Variants in AP1B1 observed in about 807,000 individuals in gnomAD.
The protein encoded by AP1B1 is adaptor related protein complex 1 subunit beta 1.
In AP1B1, 36 loss-of-function variants were observed where a neutral mutation model predicts 104.3. That is an observed-to-expected ratio of 0.35 (90% confidence interval 0.26 to 0.46). The LOEUF is 0.46. Among genes scored for constraint, AP1B1 ranks in the 20% least tolerant of loss-of-function variants. The pLI is 1.00. For missense variants in AP1B1, 901 were observed against 1,247.9 expected, an observed-to-expected ratio of 0.72 and a Z score of 4.19; for synonymous variants, 504 against 517.5, an observed-to-expected ratio of 0.97 and a Z score of 0.35.
At chr22:29,333,468 T>TATA (rs777104253) in intron 17 of AP1B1, among the ~76,000 whole-genome samples, 1 of 152,124 alleles carries the variant, frequency 6.6e-6, no homozygotes, top group African/African-American at 2.4e-5. Flanking sequence ...GATGGGCCCC[T>TATA]CCTATGTGGG....
chr22:29,332,206 G>C (rs2061572219), intron 17 of AP1B1: 1 of 317,776 alleles, frequency 3.1e-6, no homozygotes, highest in Non-Finnish European at 5.8e-6. Flanking sequence ...GCACTGGTGG[G>C]CCCAGGTAGG....
chr22:29,336,664 A>G (rs1473747859), intron 16 of AP1B1, among the ~76,000 whole-genome samples: 1 of 152,176 alleles, frequency 6.6e-6, no homozygotes, highest in Non-Finnish European at 1.5e-5. Context: ...TTAGCTAGGC[A>G]TGGTGGCAGG....
chr22:29,387,399 C>G (rs192529576), intron 1 of AP1B1, among the ~76,000 whole-genome samples: 1 of 152,002 alleles, frequency 6.6e-6, no homozygotes, highest in East Asian at 1.9e-4. Context: ...CCTCCACCTC[C>G]TGGGTTCAAG....
In AP1B1 at chr22:29,329,882, G is replaced by A. The variant is rs983195003; in HGVS notation, c.2767-162C>T. The A allele has an allele frequency of 4.8e-6, 7 of 1,462,898 alleles. No homozygotes were observed. In the African/African-American group the frequency reaches 8.5e-5, roughly 18 times the overall value. 90.6% of individuals were successfully genotyped at this position (1,462,898 alleles called of 1,614,324 possible). ...GAGGGCCATGCCTGCCAGAGACTCA[G>A]GGGTGTGGGGGAGAAGCAGAGTTTG... On this transcript the variant is annotated intron_variant, in intron 21 of 22. Coordinates refer to ENST00000357586, the MANE Select transcript of AP1B1 (RefSeq NM_001127.4).
At position 29,358,676 on chromosome 22, in the gene AP1B1, A is replaced by C. The variant is rs200198009; in HGVS notation, c.525+50T>G. 83 of 1,577,692 alleles carry C rather than the reference A, an allele frequency of 5.3e-5. No individual in the cohort carries two copies. The East Asian group carries it at 1.2e-3, about 23-fold the overall frequency. On this transcript the variant is annotated intron_variant, in intron 5 of 22. Transcript: ENST00000357586. ...TGAAGAGTCAAGCCAATGTCTTCCCAAGCAACCCAGGAGGTGGTGGAGGTA... is the reference window on the plus strand; with the variant it reads ...TGAAGAGTCAAGCCAATGTCTTCCCCAGCAACCCAGGAGGTGGTGGAGGTA...
At chr22:29,340,922 C>A in intron 13 of AP1B1, 65 bp from the exon 14 acceptor site, 1 of 1,493,138 alleles carries the variant, frequency 6.7e-7, no homozygotes, top group South Asian at 1.3e-5. Flanking sequence ...GAGACCCCAG[C>A]CTCCAGGCAG....
intron 16 of AP1B1, among the ~76,000 whole-genome samples, chr22:29,337,059 C>G (rs80224063): frequency 1.3e-5 from 2 of 152,194 alleles, no homozygotes; most frequent in African/African-American, 2.4e-5. Flanking sequence ...ACATGCTGTA[C>G]GTTATGCCGC....
intron 13 of AP1B1, 51 bp from the exon 14 acceptor site, chr22:29,340,908 CAA>C: frequency 6.5e-7 from 1 of 1,528,032 alleles, no homozygotes; most frequent in Non-Finnish European, 8.9e-7. Flanking sequence ...TCAGGAAGGT[CAA>C]AGAGACCCCA....
At chr22:29,368,189 T>G (rs144457179) in intron 1 of AP1B1, among the ~76,000 whole-genome samples, 20 of 152,150 alleles carry the variant, frequency 1.3e-4, no homozygotes, top group African/African-American at 4.8e-4. Context: ...TCTCAGTTAC[T>G]TGGGAGGGTG....
chr22:29,330,150 ATCT>A, intron 21 of AP1B1: 1 of 1,427,680 alleles, frequency 7.0e-7, no homozygotes. Flanking sequence ...ATTTTACACA[ATCT>A]TCTAGTCCAA....
chr22:29,360,001 A>C (rs1434466503), intron 3 of AP1B1, 42 bp from the exon 4 acceptor site: 3 of 1,589,608 alleles, frequency 1.9e-6, no homozygotes, highest in Non-Finnish European at 1.7e-6. Flanking sequence ...AGGCTGAACA[A>C]AGGAAGAGGA....
At chr22:29,339,701 G>A (rs375490419) in intron 15 of AP1B1, 53 bp downstream of exon 15, 16 of 1,597,734 alleles carry the variant, frequency 1.0e-5, no homozygotes, top group African/African-American at 4.0e-5. Flanking sequence ...CTGGGCCAGC[G>A]CTTTCGGGAG....
Position 29,344,676 on chromosome 22 carries a change from C to T in AP1B1, c.1438-2293G>A, listed in dbSNP as rs1602715722. 2.0e-5 allele frequency among the ~76,000 whole-genome samples: 3 copies of T among 152,016 alleles called. No individual in the cohort carries two copies. The South Asian group carries it at 6.2e-4, about 32-fold the overall frequency. ...AGCAGCTAGGATTACAGGCACACAC[C>T]ATCACACCTGGCTAATTTTTGTATT... On this transcript the variant is annotated intron_variant, in intron 11 of 22. Coordinates refer to ENST00000357586, the MANE Select transcript of AP1B1 (RefSeq NM_001127.4).
intron 1 of AP1B1, among the ~76,000 whole-genome samples, chr22:29,375,063 A>C (rs1164172895): frequency 6.6e-6 from 1 of 152,226 alleles, no homozygotes; most frequent in Non-Finnish European, 1.5e-5. Flanking sequence ...AAGAATAGGC[A>C]GTTCTGGCCG....
chr22:29,337,863 G>A (rs1451478996), intron 16 of AP1B1, among the ~76,000 whole-genome samples: 2 of 152,206 alleles, frequency 1.3e-5, no homozygotes, highest in East Asian at 1.9e-4. Context: ...CCCCGGGGCC[G>A]GTGCTTCTGC....
chr22:29,356,650 G>GGTGCTGCTCACAGGCCAGGGGGCA (rs2061963157), intron 5 of AP1B1, 34 bp from the exon 6 acceptor site: 1 of 1,602,198 alleles, frequency 6.2e-7, no homozygotes, highest in African/African-American at 1.3e-5. Context: ...AGAGGCTGGG[G>GGTGCTGCTCACAGGCCAGGGGGCA]GTGCTGCTCA....
intron 6 of AP1B1, 88 bp from the exon 7 acceptor site, chr22:29,354,959 G>A: frequency 8.2e-7 from 1 of 1,221,058 alleles, no homozygotes; most frequent in Non-Finnish European, 1.2e-6. Flanking sequence ...GTCCAGGCCA[G>A]GCGTGATAGT....
chr22:29,362,038 C>T lies in AP1B1; in HGVS notation c.143+963G>A, dbSNP rs184149008. Among the ~76,000 whole-genome samples, 49 of 152,098 alleles carry T rather than the reference C, an allele frequency of 3.2e-4. No individual in the cohort carries two copies. In the East Asian group the frequency reaches 6.8e-3, roughly 21 times the overall value. On this transcript the variant is annotated intron_variant, in intron 3 of 22. Transcript: ENST00000357586. ...TGAACTCCTGACCTCGTGATCCACCCGCCTCGGCCTCCCAAAGTGCTAGGA... is the reference window on the plus strand; with the variant it reads ...TGAACTCCTGACCTCGTGATCCACCTGCCTCGGCCTCCCAAAGTGCTAGGA...
intron 1 of AP1B1, among the ~76,000 whole-genome samples, chr22:29,377,457 G>C (rs561506610): frequency 6.6e-6 from 1 of 152,230 alleles, no homozygotes; most frequent in South Asian, 2.1e-4. Flanking sequence ...GGTGGCAGTG[G>C]TAGTAGTAAT....
Sources: gnomAD v4.1 joint callset for allele counts (sites outside exome capture counted in the v4.1 genomes callset) on GRCh38, gnomAD v4.1.1 for gene constraint, MANE v1.5 for transcripts, NCBI Gene and HGNC (gene_info 2026-07-23, HGNC 2026-07-21) for gene names.